Variants in FRMD6 observed in about 807,000 individuals in gnomAD.
FRMD6 encodes the protein FERM domain containing 6.
FRMD6 carries 37 observed loss-of-function variants against 73.2 expected under a neutral mutation model. That is an observed-to-expected ratio of 0.51 (90% CI 0.39 to 0.66). The LOEUF (loss-of-function observed/expected upper bound fraction) is 0.66. Ranked by LOEUF, FRMD6 falls within the 30% of genes least tolerant of loss-of-function variation. FRMD6 has a pLI of 0.00. For synonymous variants in FRMD6, 273 were observed against 282.2 expected (o/e 0.97, Z 0.33); for missense variants, 714 against 780.5 (o/e 0.91, Z 1.02).
chr14:51,496,692 C>T (rs1165811119), intron 1 of FRMD6, among the ~76,000 whole-genome samples: 1 of 152,176 alleles, frequency 6.6e-6, no homozygotes, highest in African/African-American at 2.4e-5. Context: ...ATAAACTCTA[C>T]CTCTTAATGA....
intron 1 of FRMD6, among the ~76,000 whole-genome samples, chr14:51,675,753 C>A (rs1894344961): frequency 6.6e-6 from 1 of 151,912 alleles, no homozygotes; most frequent in African/African-American, 2.4e-5. Context: ...CTTGGAGCCT[C>A]ACTTTGCATC....
chr14:51,493,193 A>G (rs553788475), intron 1 of FRMD6, among the ~76,000 whole-genome samples: 18 of 152,290 alleles, frequency 1.2e-4, no homozygotes, highest in Admixed American at 3.3e-4. Context: ...ATCAACAATC[A>G]TCTATTTGTA....
intron 2 of FRMD6, among the ~76,000 whole-genome samples, chr14:51,610,833 G>GT (rs1890462602): frequency 6.6e-6 from 1 of 152,172 alleles, no homozygotes; most frequent in Non-Finnish European, 1.5e-5. Flanking sequence ...TCAGGTGTTT[G>GT]TTTTTTCAGT....
the FRMD6 span, among the ~76,000 whole-genome samples, chr14:51,453,346 G>T: frequency 6.6e-6 from 1 of 152,070 alleles, no homozygotes; most frequent in African/African-American, 2.4e-5. Context: ...TGAGGTAGGG[G>T]AAGGAGCAAG....
intron 1 of FRMD6, among the ~76,000 whole-genome samples, chr14:51,677,910 C>G (rs1894507685): frequency 6.6e-6 from 1 of 152,148 alleles, no homozygotes; most frequent in Non-Finnish European, 1.5e-5. Flanking sequence ...TGAGAGATGC[C>G]AGCCTTAAGA....
intron 10 of FRMD6, chr14:51,717,183 T>A (rs1566592944): frequency 6.6e-6 from 1 of 152,108 alleles, no homozygotes; most frequent in Non-Finnish European, 1.5e-5. Flanking sequence ...TTTGTTTGTT[T>A]TGTGCTGCTG....
intron 2 of FRMD6, among the ~76,000 whole-genome samples, chr14:51,626,657 G>T (rs901806989): frequency 2.6e-5 from 4 of 152,166 alleles, no homozygotes; most frequent in Non-Finnish European, 4.4e-5. Context: ...TTATCATGAG[G>T]TCTAGTTAGA....
At chr14:51,480,670 C>CA in the FRMD6 span, among the ~76,000 whole-genome samples, 4 of 152,130 alleles carry the variant, frequency 2.6e-5, no homozygotes, top group African/African-American at 9.7e-5. Flanking sequence ...CACCGTACAT[C>CA]TAGCTGATGT....
the FRMD6 span, among the ~76,000 whole-genome samples, chr14:51,453,161 T>C: frequency 7.0e-6 from 1 of 143,596 alleles, no homozygotes; most frequent in South Asian, 2.2e-4. Flanking sequence ...AAAAAAAAAA[T>C]AGAGAATTAA....
In FRMD6 at chr14:51,722,084, A is replaced by C; in HGVS notation, c.1492+4A>C. On this transcript the variant is annotated splice_donor_region_variant and intron_variant, in intron 12 of 13. Coordinates refer to ENST00000344768, the MANE Select transcript of FRMD6 (RefSeq NM_001267046.2). ...CGGAAGCTGAATGGACACTCTGGTGAGCTCTTACGGGAAGTTATTCTTCCT... is the reference window on the plus strand; with the variant it reads ...CGGAAGCTGAATGGACACTCTGGTGCGCTCTTACGGGAAGTTATTCTTCCT... The C allele has an allele frequency of 6.2e-7, 1 of 1,613,852 alleles. No individual in the cohort carries two copies. Among genetic ancestry groups the C allele is most frequent in the Non-Finnish European group, 8.5e-7 (1 of 1,179,896 alleles).
At chr14:51,580,838 C>T (rs577485735) in intron 2 of FRMD6, among the ~76,000 whole-genome samples, 3 of 152,164 alleles carry the variant, frequency 2.0e-5, no homozygotes, top group South Asian at 4.1e-4. Flanking sequence ...AATGAGGGAG[C>T]ACAGCACTGT....
intron 11 of FRMD6, among the ~76,000 whole-genome samples, chr14:51,721,394 G>A (rs1594784514): frequency 6.6e-6 from 1 of 152,178 alleles, no homozygotes; most frequent in African/African-American, 2.4e-5. Flanking sequence ...GGCGGATCAC[G>A]AGGTCAAGAG....
chr14:51,438,402 G>A, the FRMD6 span, among the ~76,000 whole-genome samples: 2 of 152,324 alleles, frequency 1.3e-5, no homozygotes, highest in South Asian at 2.1e-4. Flanking sequence ...AAGGTTAAAA[G>A]TGTACAAGTT....
the FRMD6 span, among the ~76,000 whole-genome samples, chr14:51,475,881 C>T: frequency 2.0e-5 from 3 of 152,014 alleles, no homozygotes; most frequent in East Asian, 1.9e-4. Flanking sequence ...TGTCTACTAA[C>T]GTAATTGTCG....
At chr14:51,711,652 T>C in intron 8 of FRMD6, 56 bp downstream of exon 8, 4 of 1,285,010 alleles carry the variant, frequency 3.1e-6, no homozygotes, top group Non-Finnish European at 4.5e-6. Context: ...GTTTACAGCA[T>C]GCCTCTGTGG....
chr14:51,572,587 G>A (rs932514453), intron 2 of FRMD6, among the ~76,000 whole-genome samples: 3 of 152,180 alleles, frequency 2.0e-5, no homozygotes, highest in African/African-American at 7.2e-5. Context: ...TTAAACAAGT[G>A]TCCAATAAAC....
rs746653792 is a variant in FRMD6 at position 51,720,061 on chromosome 14, A to G, written c.1031A>G (p.Lys344Arg). 1.2e-6 allele frequency: 2 copies of G among 1,610,274 alleles called. No individual in the cohort carries two copies. Among genetic ancestry groups the G allele is most frequent in the Admixed American group, 1.7e-5 (1 of 59,844 alleles). The stretch of plus-strand genomic sequence containing the variant: ...TGTGTTCCCCACCACGTAGAGAAGA[A>G]GCAGTACCGGGAATCTTACATCAGT... ...IRKLEENEEK[K>R]QYRESYISDN... The change falls in exon 11 of 14, where the codon AAG (lysine) becomes AGG (arginine). Residue 344 changes from lysine (K) to arginine (R), a missense_variant. Physicochemically the swap from Lys to Arg is conservative, Grantham distance 26 (BLOSUM62 2). Transcript: ENST00000344768.
chr14:51,446,445 GACACAC>G, the FRMD6 span, among the ~76,000 whole-genome samples: 1 of 139,120 alleles, frequency 7.2e-6, no homozygotes, highest in African/African-American at 2.7e-5. Flanking sequence ...CTCTTGTGTA[GACACAC>G]ACACACACAC....
At chr14:51,693,758 A>G (rs957002192) in intron 2 of FRMD6, among the ~76,000 whole-genome samples, 1 of 152,156 alleles carries the variant, frequency 6.6e-6, no homozygotes, top group African/African-American at 2.4e-5. Flanking sequence ...TAGGCCTGCA[A>G]GATTTCTTAT....
Sources: allele counts gnomAD v4.1 joint callset (sites outside exome capture counted in the v4.1 genomes callset), GRCh38; gene constraint gnomAD v4.1.1; transcripts MANE v1.5; gene names NCBI Gene and HGNC (gene_info 2026-07-23, HGNC 2026-07-21).